Variants in SAAL1 observed in about 807,000 individuals in gnomAD.
SAAL1 encodes the protein serum amyloid A like 1, also known as protein SAAL1.
A neutral mutation model predicts 59.8 loss-of-function variants in SAAL1; 42 were observed. The ratio of observed to expected loss-of-function variants is 0.70; its 90% CI spans 0.55 to 0.91. The LOEUF (loss-of-function observed/expected upper bound fraction) is 0.91. Among genes scored for constraint, SAAL1 ranks in the 40% least tolerant of loss-of-function variants. The pLI, the probability that SAAL1 is intolerant of heterozygous loss-of-function variation, is 0.00. For synonymous variants in SAAL1, 191 were observed against 194.3 expected (o/e 0.98, Z 0.14); for missense variants, 542 against 561.1 (o/e 0.97, Z 0.34).
At chr11:18,089,867 A>T (rs1011820343) in intron 6 of SAAL1, among the ~76,000 whole-genome samples, 1 of 152,148 alleles carries the variant, frequency 6.6e-6, no homozygotes, top group Non-Finnish European at 1.5e-5. Context: ...CTGGGCAAGA[A>T]AGCGAGACCC....
intron 3 of SAAL1, among the ~76,000 whole-genome samples, chr11:18,096,531 C>T (rs546521347): frequency 1.3e-5 from 2 of 152,028 alleles, no homozygotes; most frequent in South Asian, 4.2e-4. Flanking sequence ...TGCAGTGAGC[C>T]GTGATCACGC....
At chr11:18,088,174 T>A (rs1326637654) in intron 7 of SAAL1, among the ~76,000 whole-genome samples, 2 of 152,228 alleles carry the variant, frequency 1.3e-5, no homozygotes. Flanking sequence ...GTACAAGGAA[T>A]AAGGATAGCG....
intron 2 of SAAL1, among the ~76,000 whole-genome samples, chr11:18,099,933 T>C (rs1168009699): frequency 6.6e-6 from 1 of 152,164 alleles, no homozygotes; most frequent in Non-Finnish European, 1.5e-5. Flanking sequence ...ACCTCAATTG[T>C]CAGTGGAGAG....
chr11:18,089,936 G>T (rs1848504509), intron 6 of SAAL1, among the ~76,000 whole-genome samples: 1 of 152,104 alleles, frequency 6.6e-6, no homozygotes, highest in East Asian at 1.9e-4. Flanking sequence ...TATAGTCCCA[G>T]CTATTGGGGA....
At position 18,103,297 on chromosome 11, in the gene SAAL1, A is replaced by G. The variant is rs773896131; in HGVS notation, c.185T>C (p.Leu62Pro). The change falls in exon 2 of 12, where the codon CTG (leucine) becomes CCG (proline). Residue 62 changes from leucine (L) to proline (P), a missense_variant. Leu to Pro is a moderately conservative substitution (Grantham distance 98, BLOSUM62 -3). Coordinates refer to ENST00000524803, the MANE Select transcript of SAAL1 (RefSeq NM_138421.3). ...CTCCATTTCTTCATCAAGCTCCGTC[A>G]GCTGCTCCTCATCATCTGAGCTAGA... Reference protein sequence around the residue: ...TKSSSDDEEQLTELDEEMENE... With the variant: ...TKSSSDDEEQPTELDEEMENE... 10 of 1,614,072 alleles carry G rather than the reference A, an allele frequency of 6.2e-6. No individual in the cohort carries two copies. The highest frequency in any genetic ancestry group is 6.8e-6 in the Non-Finnish European group (8 of 1,179,996).
rs78776760 is a variant in SAAL1, at chr11:18,089,364, C to T, written c.736G>A (p.Val246Met). Residue 246 changes from valine (V) to methionine (M), a missense_variant, in exon 7 of 12, where the codon GTG (valine) becomes ATG (methionine). Physicochemically the swap from Val to Met is conservative, Grantham distance 21 (BLOSUM62 1). Transcript: ENST00000524803. ...ESEEQPVFRL[V>M]PCILEAAKQV... ...TTGGCAGCTTCAAGTATACAGGGCA[C>T]AAGCCGAAACACTGGCTGCTCTTCA... The T allele has an allele frequency of 1.9e-6, 3 of 1,587,696 alleles. No individual in the cohort carries two copies. Among genetic ancestry groups the T allele is most frequent in the Admixed American group, 3.9e-5 (2 of 51,686 alleles).
chr11:18,087,235 A>C lies in SAAL1; in HGVS notation c.771-10T>G. 1 of 1,577,000 alleles carries C rather than the reference A, an allele frequency of 6.3e-7. No individual in the cohort carries two copies. Among genetic ancestry groups the C allele is most frequent in the East Asian group, 2.2e-5 (1 of 44,692 alleles). ...TTCTGGATTTTCAGAACTAAATAGG[A>C]AAAGTAAAAGCACTGAATCAACAAC... On this transcript the variant is annotated splice_polypyrimidine_tract_variant and intron_variant, in intron 7 of 11. Coordinates refer to ENST00000524803, the MANE Select transcript of SAAL1 (RefSeq NM_138421.3).
At chr11:18,093,062 G>A (rs922442395) in intron 3 of SAAL1, among the ~76,000 whole-genome samples, 2 of 152,202 alleles carry the variant, frequency 1.3e-5, no homozygotes, top group African/African-American at 2.4e-5. Context: ...CACCCAGGAT[G>A]TGAATCATTC....
chr11:18,084,803 C>T (rs1848445892), intron 9 of SAAL1, among the ~76,000 whole-genome samples: 1 of 152,092 alleles, frequency 6.6e-6, no homozygotes, highest in African/African-American at 2.4e-5. Context: ...TATTGCTCTG[C>T]TGCCCAGGCT....
chr11:18,085,940 T>A (rs529916102), intron 9 of SAAL1, among the ~76,000 whole-genome samples: 94 of 152,282 alleles, frequency 6.2e-4, no homozygotes, highest in African/African-American at 2.2e-3. Context: ...TCTAAATGAA[T>A]CATGAATTTA....
chr11:18,101,820 T>TAAAAAAAAAAAAAAAAAAAAAAAAAAA (rs58015469), intron 2 of SAAL1, among the ~76,000 whole-genome samples: 1 of 113,158 alleles, frequency 8.8e-6, no homozygotes, highest in Non-Finnish European at 1.9e-5. Context: ...CATTCAGCAA[T>TAAAAAAAAAAAAAAAAAAAAAAAAAAA]AAAAAAAAAA....
chr11:18,091,474 C>T (rs575120911), intron 4 of SAAL1, among the ~76,000 whole-genome samples: 36 of 152,162 alleles, frequency 2.4e-4, no homozygotes, highest in African/African-American at 8.4e-4. Flanking sequence ...TCTTAAAGTC[C>T]CTCCACAACT....
chr11:18,094,161 T>C (rs910919570), intron 3 of SAAL1, among the ~76,000 whole-genome samples: 1 of 152,100 alleles, frequency 6.6e-6, no homozygotes, highest in African/African-American at 2.4e-5. Context: ...CAGGTGACTT[T>C]TATGATTAGA....
At chr11:18,090,074 A>C in intron 6 of SAAL1, 101 bp downstream of exon 6, 1 of 1,150,188 alleles carries the variant, frequency 8.7e-7, no homozygotes, top group Non-Finnish European at 1.2e-6. Flanking sequence ...CTTGCACTCA[A>C]GGCTTTTTTT....
At chr11:18,099,152 G>C (rs542843627) in intron 2 of SAAL1, among the ~76,000 whole-genome samples, 3 of 152,168 alleles carry the variant, frequency 2.0e-5, no homozygotes, top group Non-Finnish European at 4.4e-5. Context: ...CCATACTGGA[G>C]CAGTGGCTAT....
chr11:18,105,824 C>T (rs1468384847), intron 1 of SAAL1, 83 bp downstream of exon 1: 3 of 1,438,278 alleles, frequency 2.1e-6, no homozygotes, highest in Non-Finnish European at 2.7e-6. Flanking sequence ...TGGCGGCTCC[C>T]GGGGCAGGAG....
At chr11:18,099,058 A>G (rs1297837998) in intron 2 of SAAL1, among the ~76,000 whole-genome samples, 2 of 145,034 alleles carry the variant, frequency 1.4e-5, no homozygotes, top group East Asian at 3.9e-4. Context: ...GTCTCAGCAG[A>G]GCAAAGCTAG....
At position 18,105,892 on chromosome 11, in the gene SAAL1, C is replaced by G; in HGVS notation, c.135+15G>C. 1 of 1,582,406 alleles carries G rather than the reference C, an allele frequency of 6.3e-7. No individual in the cohort carries two copies. ...GGATGTAGGGACACCCCACGCGTGG[C>G]GCGAGTTTCCACACCTGGATGAGTC... On this transcript the variant is annotated intron_variant, in intron 1 of 11. Coordinates refer to ENST00000524803, the MANE Select transcript of SAAL1 (RefSeq NM_138421.3).
In SAAL1 at chr11:18,083,528, T is replaced by C; in HGVS notation, c.1239+7A>G. 6.5e-7 allele frequency: 1 copy of C among 1,529,214 alleles called. No individual in the cohort carries two copies. The highest frequency in any genetic ancestry group is 2.3e-5 in the East Asian group (1 of 44,392). 94.7% of individuals were successfully genotyped at this position (1,529,214 alleles called of 1,614,324 possible). ...TGCTTATGACATCATCAATACTTCTTTCCTACCTTTGTTAATGCCTGAAAA... is the reference window on the plus strand; with the variant it reads ...TGCTTATGACATCATCAATACTTCTCTCCTACCTTTGTTAATGCCTGAAAA... On this transcript the variant is annotated splice_region_variant and intron_variant, in intron 10 of 11. Transcript: ENST00000524803.
Sources: allele counts gnomAD v4.1 joint callset (sites outside exome capture counted in the v4.1 genomes callset), GRCh38; gene constraint gnomAD v4.1.1; transcripts MANE v1.5; gene names NCBI Gene and HGNC (gene_info 2026-07-23, HGNC 2026-07-21).